Variants in GRIK1 observed in about 807,000 individuals in gnomAD.
GRIK1 encodes glutamate ionotropic receptor kainate type subunit 1.
GRIK1 carries 69 observed loss-of-function variants against 105.7 expected under a neutral mutation model. That is an observed-to-expected ratio of 0.65 (90% confidence interval 0.54 to 0.80). GRIK1 has a LOEUF of 0.80. Ranked by LOEUF, GRIK1 falls within the 30% of genes least tolerant of loss-of-function variation. GRIK1 has a pLI of 0.00. For missense variants in GRIK1, 1,109 were observed against 1,167.3 expected, an observed-to-expected ratio of 0.95 and a Z score of 0.73; for synonymous variants, 438 against 431.3, an observed-to-expected ratio of 1.02 and a Z score of -0.19.
intron 7 of GRIK1, among the ~76,000 whole-genome samples, chr21:29,608,726 C>G (rs1344476464): frequency 6.6e-6 from 1 of 152,068 alleles, no homozygotes; most frequent in East Asian, 1.9e-4. Context: ...CTGGAAATAG[C>G]CTTTGTCAGA....
At chr21:29,936,922 T>C (rs1412541518) in intron 1 of GRIK1, among the ~76,000 whole-genome samples, 1 of 152,224 alleles carries the variant, frequency 6.6e-6, no homozygotes, top group Non-Finnish European at 1.5e-5. Context: ...ACTTTGAATA[T>C]TTTAAGTCAC....
chr21:29,595,820 A>G (rs2061402456), intron 9 of GRIK1, among the ~76,000 whole-genome samples: 1 of 152,180 alleles, frequency 6.6e-6, no homozygotes, highest in East Asian at 1.9e-4. Flanking sequence ...AATGTTTTTA[A>G]TGTCTCATAT....
intron 6 of GRIK1, among the ~76,000 whole-genome samples, chr21:29,645,589 G>A (rs554949480): frequency 6.6e-6 from 1 of 152,224 alleles, no homozygotes; most frequent in East Asian, 1.9e-4. Flanking sequence ...GAAAAAATAT[G>A]CTACCCCTTG....
chr21:29,938,197 A>C (rs1334500844), intron 1 of GRIK1, among the ~76,000 whole-genome samples: 1 of 152,222 alleles, frequency 6.6e-6, no homozygotes, highest in Admixed American at 6.5e-5. Context: ...AAGCGTCACT[A>C]TGCCAGTGTC....
chr21:29,891,879 T>G (rs1356370094), intron 1 of GRIK1, among the ~76,000 whole-genome samples: 3 of 152,228 alleles, frequency 2.0e-5, no homozygotes, highest in African/African-American at 4.8e-5. Flanking sequence ...CAGTTTTGAT[T>G]GTCCACACAC....
chr21:29,869,429 A>G lies in GRIK1; in HGVS notation c.118+69954T>C, dbSNP rs148965447. The stretch of plus-strand genomic sequence containing the variant: ...CAAAACTGAAGCTCTGCTAAGTGGT[A>G]TGGAAGAAAAGAGTTTGCTCTGGAA... On this transcript the variant is annotated intron_variant, in intron 1 of 17. Transcript: ENST00000327783. 6.8e-3 allele frequency among the ~76,000 whole-genome samples: 1,036 copies of G among 152,328 alleles called. 3 individuals are homozygous for G. The highest frequency in any genetic ancestry group is 0.011 in the African/African-American group (442 of 41,564).
chr21:29,553,572 A>C, intron 16 of GRIK1: 3 of 1,591,108 alleles, frequency 1.9e-6, no homozygotes, highest in Non-Finnish European at 2.6e-6. Context: ...GTATGAACTG[A>C]GGACTGTTTT....
At chr21:29,681,421 C>T (rs2146678904) in intron 3 of GRIK1, among the ~76,000 whole-genome samples, 1 of 152,312 alleles carries the variant, frequency 6.6e-6, no homozygotes, top group East Asian at 1.9e-4. Flanking sequence ...CTGATCCATC[C>T]ACCCTGGCCT....
chr21:29,797,791 C>T lies in GRIK1; in HGVS notation c.119-103728G>A, dbSNP rs1262089891. Among the ~76,000 whole-genome samples, 3 of 152,148 alleles carry T rather than the reference C, an allele frequency of 2.0e-5. No homozygotes were observed. In the East Asian group the frequency reaches 5.8e-4, roughly 29 times the overall value. On this transcript the variant is annotated intron_variant, in intron 1 of 17. Coordinates refer to ENST00000327783, the MANE Select transcript of GRIK1 (RefSeq NM_001330994.2). The stretch of plus-strand genomic sequence containing the variant: ...TCATTTTTCTTTAACAATGTCCCGC[C>T]TAGATTTCTTTTATCAAAAAAGTAC...
intron 15 of GRIK1, among the ~76,000 whole-genome samples, chr21:29,558,600 T>G (rs2090315362): frequency 6.6e-6 from 1 of 151,742 alleles, no homozygotes. Flanking sequence ...GGAGTGTATT[T>G]CTTTTCATCT....
intron 16 of GRIK1, among the ~76,000 whole-genome samples, chr21:29,548,160 G>T (rs1240987837): frequency 6.6e-6 from 1 of 152,078 alleles, no homozygotes; most frequent in Non-Finnish European, 1.5e-5. Flanking sequence ...GTCTTATCTG[G>T]ATGTATGCAT....
chr21:29,665,368 A>G (rs2063039311), intron 4 of GRIK1, among the ~76,000 whole-genome samples: 4 of 152,246 alleles, frequency 2.6e-5, no homozygotes, highest in Admixed American at 2.6e-4. Context: ...TTTTAATATC[A>G]GCCTGAGAGA....
At chr21:29,928,685 G>T (rs569769311) in intron 1 of GRIK1, among the ~76,000 whole-genome samples, 4 of 152,170 alleles carry the variant, frequency 2.6e-5, no homozygotes, top group South Asian at 2.1e-4. Context: ...TGGAAAATGC[G>T]CTGAGTCTTG....
chr21:29,871,098 TCTG>T (rs1008221682), intron 1 of GRIK1, among the ~76,000 whole-genome samples: 1 of 152,142 alleles, frequency 6.6e-6, no homozygotes, highest in African/African-American at 2.4e-5. Flanking sequence ...CAATCCCTCT[TCTG>T]CTCTCCCTGG....
chr21:29,556,494 AC>A, intron 15 of GRIK1, among the ~76,000 whole-genome samples: 1 of 149,568 alleles, frequency 6.7e-6, no homozygotes, highest in East Asian at 1.9e-4. Context: ...TTTAGACCTT[AC>A]TTTTTTCTAG....
At chr21:29,713,244 T>C (rs187542174) in intron 1 of GRIK1, among the ~76,000 whole-genome samples, 33 of 152,326 alleles carry the variant, frequency 2.2e-4, no homozygotes, top group Admixed American at 4.6e-4. Flanking sequence ...TCTCTCCTTC[T>C]TGTTATTTCT....
At chr21:29,816,055 AG>A (rs1569124708) in intron 1 of GRIK1, among the ~76,000 whole-genome samples, 1 of 152,134 alleles carries the variant, frequency 6.6e-6, no homozygotes, top group Non-Finnish European at 1.5e-5. Context: ...CATCTGACAA[AG>A]GACTGTATCC....
At chr21:29,909,382 T>C (rs2070740988) in intron 1 of GRIK1, among the ~76,000 whole-genome samples, 1 of 151,896 alleles carries the variant, frequency 6.6e-6, no homozygotes, top group Non-Finnish European at 1.5e-5. Context: ...AAAACATAAG[T>C]AAAATTTCTG....
intron 1 of GRIK1, among the ~76,000 whole-genome samples, chr21:29,701,208 A>G (rs2063805653): frequency 6.6e-6 from 1 of 152,200 alleles, no homozygotes; most frequent in Non-Finnish European, 1.5e-5. Context: ...CCAGTGAGCA[A>G]CAGATACGCA....
Sources: gnomAD v4.1 joint callset for allele counts (sites outside exome capture counted in the v4.1 genomes callset) on GRCh38, gnomAD v4.1.1 for gene constraint, MANE v1.5 for transcripts, NCBI Gene and HGNC (gene_info 2026-07-23, HGNC 2026-07-21) for gene names.